UQCRHL: variants seen among roughly 807,000 people sequenced by gnomAD.
UQCRHL encodes the protein cytochrome b-c1 complex subunit 6-like, mitochondrial.
Under a neutral mutation model 2.2 loss-of-function variants are expected in UQCRHL, and 1 was observed. The ratio of observed to expected loss-of-function variants is 0.46; its 90% confidence interval spans 0.16 to 2.18. UQCRHL has a LOEUF of 2.18. Ranked by LOEUF, UQCRHL falls within the 30% of genes most tolerant of loss-of-function variation. The pLI, the probability that UQCRHL is intolerant of heterozygous loss-of-function variation, is 0.27. For missense variants in UQCRHL, 114 were observed against 108.6 expected, an observed-to-expected ratio of 1.05 and a Z score of -0.22; for synonymous variants, 46 against 44.6, an observed-to-expected ratio of 1.03 and a Z score of -0.13.
At chr1:15,807,481 C>A in exon 1 of UQCRHL, 1 of 1,614,184 alleles carries the variant, frequency 6.2e-7, no homozygotes, top group Non-Finnish European at 8.5e-7. Flanking sequence ...CGAGAGGATA[C>A]ATGCTCATCA....
chr1:15,807,646 C>T, exon 1 of UQCRHL: 9 of 1,614,130 alleles, frequency 5.6e-6, no homozygotes, highest in Non-Finnish European at 7.6e-6. Flanking sequence ...TCCTCCAGTC[C>T]CATGTCTGGC....
exon 1 of UQCRHL, chr1:15,807,429 A>T (rs199897246): frequency 3.1e-6 from 5 of 1,614,206 alleles, no homozygotes; most frequent in Middle Eastern, 1.7e-4. Flanking sequence ...TGCATGCAAG[A>T]AGTCAAAGAG....
exon 1 of UQCRHL, chr1:15,807,481 C>T: frequency 6.2e-7 from 1 of 1,614,184 alleles, no homozygotes; most frequent in Non-Finnish European, 8.5e-7. Flanking sequence ...CGAGAGGATA[C>T]ATGCTCATCA....
chr1:15,807,634 C>T (rs61738972), exon 1 of UQCRHL: 57,576 of 1,614,052 alleles, frequency 0.036, 1,580 homozygotes, highest in African/African-American at 0.14. Context: ...ATCTTTTGCT[C>T]GTCCTCCAGT....
rs1364512407 is a variant in UQCRHL, at chr1:15,807,469, A to T, written c.181T>A (p.Ser61Thr). ...TCCGTGCAATCCTCTTCTGTATGTG[A>T]TCGAGAGGATACATGCTCATCATAG... The change falls in exon 1 of 1, where the codon TCA (serine) becomes ACA (threonine). Residue 61 changes from serine to threonine, a missense_variant. Ser to Thr is a moderately conservative substitution (Grantham distance 58). Coordinates refer to ENST00000483273, the Ensembl canonical transcript of UQCRHL. 2.5e-6 allele frequency: 4 copies of T among 1,614,026 alleles called. No homozygotes were observed. In the African/African-American group the frequency reaches 4.0e-5, roughly 16 times the overall value.
At chr1:15,807,437 G>A in exon 1 of UQCRHL, 1 of 1,614,180 alleles carries the variant, frequency 6.2e-7, no homozygotes, top group Non-Finnish European at 8.5e-7. Context: ...AGAAGTCAAA[G>A]AGCTCCTCCG....
rs764654397 is a variant in UQCRHL at position 15,807,616 on chromosome 1, C to T, written c.34G>A (p.Glu12Lys). 4.2e-5 allele frequency: 68 copies of T among 1,614,032 alleles called. No individual in the cohort carries two copies. Among genetic ancestry groups the T allele is most frequent in the African/African-American group, 1.3e-4 (10 of 74,914 alleles). ...TCCTCCTCCTCAGGATCTCCGGATTCGGTAAGCATCTTTTGCTCGTCCTCC... is the reference window on the plus strand; with the variant it reads ...TCCTCCTCCTCAGGATCTCCGGATTTGGTAAGCATCTTTTGCTCGTCCTCC... The change falls in exon 1 of 1, where the codon GAA becomes AAA. Residue 12 changes from glutamate (E) to lysine (K), a missense_variant. Glu to Lys is a moderately conservative substitution (Grantham distance 56). Transcript: ENST00000483273.
exon 1 of UQCRHL, chr1:15,807,540 C>A: frequency 6.2e-7 from 1 of 1,614,178 alleles, no homozygotes; most frequent in Non-Finnish European, 8.5e-7. Flanking sequence ...CAACTGCTCG[C>A]ATTGCTCTCT....
At chr1:15,807,400 G>A in exon 1 of UQCRHL, 1 of 1,614,098 alleles carries the variant, frequency 6.2e-7, no homozygotes, top group South Asian at 1.1e-5. Context: ...AAGAGTTTGT[G>A]GGCCACGCAA....
exon 1 of UQCRHL, chr1:15,807,377 T>C: frequency 6.2e-7 from 1 of 1,614,132 alleles, no homozygotes; most frequent in South Asian, 1.1e-5. Flanking sequence ...CACACATTTA[T>C]TTCAAGTTGT....
chr1:15,807,514 C>T, exon 1 of UQCRHL: 2 of 1,614,066 alleles, frequency 1.2e-6, no homozygotes, highest in Non-Finnish European at 1.7e-6. Flanking sequence ...CGCTCCCGGG[C>T]CTTTACACAT....
rs774153442 is a variant in UQCRHL, at chr1:15,807,406, C to T, written c.244G>A (p.Val82Met). The change falls in exon 1 of 1, where the codon GTG (valine) becomes ATG (methionine). Residue 82 changes from valine (V) to methionine (M), a missense_variant. Val to Met is a conservative substitution (Grantham distance 21). Transcript: ENST00000483273. ...AAGTTGTTAAAGAGTTTGTGGGCCA[C>T]GCAATGGTCCTTTGCATGCAAGAAG... is the stretch of plus-strand genomic sequence containing the variant. 20 of 1,614,138 alleles carry T rather than the reference C, an allele frequency of 1.2e-5. No individual in the cohort carries two copies. In the East Asian group the frequency reaches 1.6e-4, roughly 13 times the overall value.
At chr1:15,807,446 C>T (rs377704846) in exon 1 of UQCRHL, 140 of 1,614,060 alleles carry the variant, frequency 8.7e-5, no homozygotes, top group African/African-American at 9.3e-5. Flanking sequence ...AGAGCTCCTC[C>T]GTGCAATCCT....
At chr1:15,807,447 G>A (rs745948341) in exon 1 of UQCRHL, 13 of 1,613,976 alleles carry the variant, frequency 8.1e-6, no homozygotes, top group Middle Eastern at 3.3e-4. Flanking sequence ...GAGCTCCTCC[G>A]TGCAATCCTC....
At chr1:15,807,446 CG>C in the UQCRHL span, 2 of 1,614,178 alleles carry the variant, frequency 1.2e-6, no homozygotes, top group South Asian at 1.1e-5. Context: ...AGAGCTCCTC[CG>C]TGCAATCCTC....
chr1:15,807,457 C>T (rs1009078694), exon 1 of UQCRHL: 5 of 1,614,214 alleles, frequency 3.1e-6, no homozygotes, highest in Non-Finnish European at 4.2e-6. Flanking sequence ...GTGCAATCCT[C>T]TTCTGTATGT....
chr1:15,807,641 C>T, exon 1 of UQCRHL: 1 of 1,614,180 alleles, frequency 6.2e-7, no homozygotes, highest in Non-Finnish European at 8.5e-7. Context: ...GCTCGTCCTC[C>T]AGTCCCATGT....
exon 1 of UQCRHL, chr1:15,807,625 T>C: frequency 6.2e-7 from 1 of 1,614,178 alleles, no homozygotes; most frequent in Non-Finnish European, 8.5e-7. Context: ...TCGGTAAGCA[T>C]CTTTTGCTCG....
chr1:15,807,488 A>G, exon 1 of UQCRHL: 1 of 1,614,162 alleles, frequency 6.2e-7, no homozygotes, highest in Non-Finnish European at 8.5e-7. Flanking sequence ...ATACATGCTC[A>G]TCATAGAGCT....
Sources: allele counts gnomAD v4.1 joint callset, GRCh38; gene constraint gnomAD v4.1.1; transcripts MANE v1.5; gene names NCBI Gene and HGNC (gene_info 2026-07-23, HGNC 2026-07-21).